Variants in RNF128 observed in about 807,000 individuals in gnomAD.
The protein encoded by RNF128 is ring finger protein 128.
RNF128 carries 13 observed loss-of-function variants against 26.2 expected under a neutral mutation model. The observed-to-expected ratio is 0.50, with a 90% CI of 0.32 to 0.79. The LOEUF (loss-of-function observed/expected upper bound fraction) is 0.79, where lower values mean the gene tolerates loss of function less well. Among genes scored for constraint, RNF128 ranks in the 30% least tolerant of loss-of-function variants. The pLI, the probability that RNF128 is intolerant of heterozygous loss-of-function variation, is 0.03. For synonymous variants in RNF128, 149 were observed against 142.5 expected, an observed-to-expected ratio of 1.05 and a Z score of -0.32; for missense variants, 315 against 349.7, an observed-to-expected ratio of 0.90 and a Z score of 0.79.
intron 1 of RNF128, among the ~76,000 whole-genome samples, chrX:106,772,561 T>C (rs1347169379): frequency 9.0e-6 from 1 of 111,581 alleles, no homozygotes; most frequent in Non-Finnish European, 1.9e-5. Flanking sequence ...CCCTATTTTC[T>C]ACAATTTGGG....
intron 2 of RNF128, among the ~76,000 whole-genome samples, chrX:106,783,415 T>C (rs1216546900): frequency 1.8e-5 from 2 of 111,640 alleles, no homozygotes; most frequent in African/African-American, 6.5e-5. Context: ...AACATTTTAT[T>C]GAGTATCTGC....
intron 1 of RNF128, among the ~76,000 whole-genome samples, chrX:106,745,469 G>A (rs1388596607): frequency 9.0e-6 from 1 of 111,593 alleles, no homozygotes; most frequent in Non-Finnish European, 1.9e-5. Context: ...TCATTTGTGT[G>A]GCTATAAAGA....
intron 1 of RNF128, among the ~76,000 whole-genome samples, chrX:106,740,114 T>C (rs1384689829): frequency 8.9e-6 from 1 of 112,009 alleles, no homozygotes; most frequent in Non-Finnish European, 1.9e-5. Context: ...TGACCAGCAT[T>C]ATGCTGAATG....
At chrX:106,755,443 A>G (rs1650075000) in intron 1 of RNF128, among the ~76,000 whole-genome samples, 1 of 111,155 alleles carries the variant, frequency 9.0e-6, no homozygotes, top group African/African-American at 3.3e-5. Flanking sequence ...AAAACCAGAC[A>G]AAGACATATC....
At chrX:106,710,332 A>G (rs1008407092) in intron 1 of RNF128, among the ~76,000 whole-genome samples, 1 of 112,527 alleles carries the variant, frequency 8.9e-6, no homozygotes, top group Non-Finnish European at 1.9e-5. Context: ...TTCTGTTAAA[A>G]TGGTATAAGC....
chrX:106,710,847 A>G (rs1383146511), intron 1 of RNF128, among the ~76,000 whole-genome samples: 1 of 110,549 alleles, frequency 9.0e-6, no homozygotes, highest in African/African-American at 3.3e-5. Context: ...ATTTAGAAAT[A>G]ATAGTCTCTC....
In RNF128 at chrX:106,736,263, C is replaced by T. The variant is rs949226752; in HGVS notation, c.484+8866C>T. On this transcript the variant is annotated intron_variant, in intron 1 of 6. Coordinates refer to ENST00000255499, the MANE Select transcript of RNF128 (RefSeq NM_194463.2). ...TTACTTGTTTTTAAAATGAGCATTT[C>T]CCTTGGGATTTTATTCAGCTATATA... 3.6e-5 allele frequency among the ~76,000 whole-genome samples: 4 copies of T among 111,641 alleles called. No individual in the cohort carries two copies. The Admixed American group carries it at 3.8e-4, about 11-fold the overall frequency.
intron 3 of RNF128, among the ~76,000 whole-genome samples, chrX:106,787,426 G>A (rs1930676585): frequency 9.0e-6 from 1 of 110,978 alleles, no homozygotes; most frequent in African/African-American, 3.3e-5. Flanking sequence ...TGGTTGCCAG[G>A]AGGTGGGGAT....
intron 1 of RNF128, among the ~76,000 whole-genome samples, chrX:106,719,631 G>A (rs944767182): frequency 2.7e-5 from 3 of 111,592 alleles, no homozygotes; most frequent in Middle Eastern, 9.2e-3. Flanking sequence ...CTAGGCAATG[G>A]CAAGATCATA....
intron 1 of RNF128, among the ~76,000 whole-genome samples, chrX:106,744,477 AAT>A (rs767816803): frequency 9.1e-6 from 1 of 110,015 alleles, no homozygotes. Flanking sequence ...ATTTTAAATG[AAT>A]ATATATATAT....
intron 1 of RNF128, among the ~76,000 whole-genome samples, chrX:106,736,528 T>C (rs1232177925): frequency 9.0e-6 from 1 of 111,600 alleles, no homozygotes; most frequent in Non-Finnish European, 1.9e-5. Flanking sequence ...TCTTTTGATG[T>C]AGTAGTAAAC....
In RNF128 at chrX:106,795,597, G is replaced by A; in HGVS notation, c.1171G>A (p.Val391Ile). 8.4e-7 allele frequency: 1 copy of A among 1,197,583 alleles called. No homozygotes were observed. The highest frequency in any genetic ancestry group is 1.1e-6 in the Non-Finnish European group (1 of 889,030). Residue 391 changes from valine (V) to isoleucine (I), a missense_variant, in exon 7 of 7, where the codon GTA becomes ATA. Transcript: ENST00000255499. ...VQSTNESLQL[V>I]NHEANSVAVD... ...TTTTAAAGATGAAAGTCTACAGCTG[G>A]TAAACCATGAAGCAAATTCTGTGGC...
At chrX:106,697,685 C>T (rs1004708248) in intron 1 of RNF128, among the ~76,000 whole-genome samples, 8 of 111,559 alleles carry the variant, frequency 7.2e-5, no homozygotes, top group Non-Finnish European at 1.5e-4. Flanking sequence ...TGTCCTTACT[C>T]TTGAGTCCAG....
chrX:106,761,355 T>A (rs1373848076), intron 1 of RNF128, among the ~76,000 whole-genome samples: 1 of 112,143 alleles, frequency 8.9e-6, no homozygotes, highest in Non-Finnish European at 1.9e-5. Flanking sequence ...TCAGCCATTG[T>A]GGAAAGCAGT....
intron 1 of RNF128, among the ~76,000 whole-genome samples, chrX:106,694,844 A>G (rs1184094159): frequency 1.8e-5 from 2 of 111,869 alleles, no homozygotes; most frequent in Non-Finnish European, 3.8e-5. Flanking sequence ...ATAGCATATT[A>G]TAAGTGTGTA....
chrX:106,785,291 C>A (rs1320894285), intron 3 of RNF128, among the ~76,000 whole-genome samples, 155 bp downstream of exon 3: 1 of 111,672 alleles, frequency 9.0e-6, no homozygotes, highest in Non-Finnish European at 1.9e-5. Context: ...GAATAATGGC[C>A]TCCCAAAGAT....
At chrX:106,708,473 A>G (rs1469166359) in intron 1 of RNF128, among the ~76,000 whole-genome samples, 2 of 112,559 alleles carry the variant, frequency 1.8e-5, no homozygotes, top group African/African-American at 6.5e-5. Context: ...GATCTCCATC[A>G]TACCATGTGA....
chrX:106,781,833 A>G (rs1045532674), intron 2 of RNF128, among the ~76,000 whole-genome samples: 1 of 111,247 alleles, frequency 9.0e-6, no homozygotes, highest in Non-Finnish European at 1.9e-5. Context: ...GTCTTCTGGC[A>G]TTTTGGATTT....
chrX:106,788,512 TTATAA>T (rs1389309068), intron 4 of RNF128, among the ~76,000 whole-genome samples: 3 of 55,572 alleles, frequency 5.4e-5, no homozygotes, highest in African/African-American at 7.5e-5. Flanking sequence ...ATAATTATAA[TTATAA>T]TATATATAAT....
Sources: allele counts gnomAD v4.1 joint callset (sites outside exome capture counted in the v4.1 genomes callset), GRCh38; gene constraint gnomAD v4.1.1; transcripts MANE v1.5; gene names NCBI Gene and HGNC (gene_info 2026-07-23, HGNC 2026-07-21).